LTBP1: variants seen among roughly 807,000 people sequenced by gnomAD.
LTBP1 encodes the protein latent transforming growth factor beta binding protein 1.
LTBP1 carries 129 observed loss-of-function variants against 207.6 expected under a neutral mutation model. The observed-to-expected ratio is 0.62, with a 90% CI of 0.54 to 0.72. The LOEUF (loss-of-function observed/expected upper bound fraction) is 0.72. Ranked by LOEUF, LTBP1 falls within the 30% of genes least tolerant of loss-of-function variation. LTBP1 has a pLI of 0.00. For synonymous variants in LTBP1, 963 were observed against 833.7 expected, an observed-to-expected ratio of 1.16 and a Z score of -2.67; for missense variants, 2,281 against 2,217.2, an observed-to-expected ratio of 1.03 and a Z score of -0.58.
chr2:33,056,387 G>T, intron 3 of LTBP1: 1 of 1,261,296 alleles, frequency 7.9e-7, no homozygotes, highest in Non-Finnish European at 1.0e-6. Context: ...GAATGGCCTG[G>T]ATGTTAGGCA....
At chr2:33,180,547 G>A (rs542309080) in intron 5 of LTBP1, among the ~76,000 whole-genome samples, 9 of 151,094 alleles carry the variant, frequency 6.0e-5, no homozygotes, top group South Asian at 2.1e-4. Context: ...TGCCTCCCGC[G>A]TTCAAGTGAT....
intron 26 of LTBP1, among the ~76,000 whole-genome samples, chr2:33,351,881 C>T (rs1486880728): frequency 6.6e-6 from 1 of 152,210 alleles, no homozygotes; most frequent in Non-Finnish European, 1.5e-5. Flanking sequence ...CAGGCAGTTA[C>T]ATGCTTAGCT....
intron 9 of LTBP1, among the ~76,000 whole-genome samples, chr2:33,235,212 TCAAA>T (rs2091984211): frequency 1.3e-5 from 2 of 151,454 alleles, no homozygotes; most frequent in Non-Finnish European, 2.9e-5. Context: ...ATGAAAAAAA[TCAAA>T]CAACTCCATC....
rs138362903 is a variant in LTBP1, at chr2:33,181,279, C to T, written c.1202-5577C>T. Reference sequence around the variant, plus strand: ...ATAAATTTTTAGAAAATTCAGTTTGCCCGCATTTATATACAAGTCATGAAT... The same window carrying T: ...ATAAATTTTTAGAAAATTCAGTTTGTCCGCATTTATATACAAGTCATGAAT... On this transcript the variant is annotated intron_variant, in intron 5 of 33. Transcript: ENST00000404816. 2.3e-3 allele frequency among the ~76,000 whole-genome samples: 357 copies of T among 152,296 alleles called. 2 individuals carry two copies. The highest frequency in any genetic ancestry group is 7.9e-3 in the African/African-American group (329 of 41,564).
At chr2:33,138,848 CTTTTTTTTTTTTTTTT>C (rs71409603) in intron 5 of LTBP1, among the ~76,000 whole-genome samples, 17 of 77,670 alleles carry the variant, frequency 2.2e-4, no homozygotes, top group Admixed American at 6.5e-4. Context: ...AGTATGTTCT[CTTTTTTTTTTTTTTTT>C]TTTTTTTTTT....
chr2:33,019,021 T>C (rs778487598), intron 2 of LTBP1, among the ~76,000 whole-genome samples: 9 of 152,234 alleles, frequency 5.9e-5, no homozygotes, highest in African/African-American at 1.7e-4. Flanking sequence ...TTGTCTCTTT[T>C]ATAGAAAATC....
At chr2:33,003,494 G>A (rs1335468561) in intron 2 of LTBP1, among the ~76,000 whole-genome samples, 1 of 152,212 alleles carries the variant, frequency 6.6e-6, no homozygotes, top group Non-Finnish European at 1.5e-5. Context: ...GGTTACGCTT[G>A]TCACCAGTGC....
intron 2 of LTBP1, among the ~76,000 whole-genome samples, chr2:32,998,598 A>C (rs1685655495): frequency 6.7e-6 from 1 of 149,582 alleles, no homozygotes; most frequent in Non-Finnish European, 1.5e-5. Flanking sequence ...ACTGAATGTT[A>C]TGAACTGCAA....
intron 5 of LTBP1, among the ~76,000 whole-genome samples, chr2:33,161,218 T>A (rs1425195674): frequency 6.6e-6 from 1 of 151,926 alleles, no homozygotes; most frequent in Non-Finnish European, 1.5e-5. Flanking sequence ...ATTGTTAGTA[T>A]CTTTCCCTTA....
chr2:33,355,914 T>G (rs2094852615), intron 26 of LTBP1, among the ~76,000 whole-genome samples: 1 of 149,502 alleles, frequency 6.7e-6, no homozygotes, highest in South Asian at 2.1e-4. Context: ...AGATCCTCTT[T>G]TAAAGTGTTT....
intron 5 of LTBP1, among the ~76,000 whole-genome samples, chr2:33,153,574 C>A (rs1042181318): frequency 6.6e-6 from 1 of 152,082 alleles, no homozygotes; most frequent in South Asian, 2.1e-4. Flanking sequence ...ATCTGAGCCG[C>A]GAAGGATCTA....
At chr2:33,389,090 G>A (rs1291136915) in intron 31 of LTBP1, 94 bp from the exon 32 acceptor site, 2 of 1,555,358 alleles carry the variant, frequency 1.3e-6, no homozygotes, top group Admixed American at 1.7e-5. Context: ...GTGGAAGGGT[G>A]TGCTGGCAGA....
intron 9 of LTBP1, among the ~76,000 whole-genome samples, chr2:33,240,181 C>A (rs202108308): frequency 6.6e-6 from 1 of 151,946 alleles, no homozygotes; most frequent in Non-Finnish European, 1.5e-5. Context: ...GTTGTTAAGT[C>A]TAAATAGAAT....
chr2:33,009,963 C>T (rs966596918), intron 2 of LTBP1, among the ~76,000 whole-genome samples: 14 of 152,272 alleles, frequency 9.2e-5, no homozygotes, highest in African/African-American at 2.9e-4. Context: ...ATTAGATCTT[C>T]AGGAGAAGGG....
Position 33,398,389 on chromosome 2 carries a change from C to G in LTBP1, c.5010C>G (p.Asn1670Lys), listed in dbSNP as rs1439007101. The change falls in exon 34 of 34, where the codon AAC (asparagine) becomes AAG (lysine). Residue 1670 changes from asparagine to lysine, a missense_variant. Coordinates refer to ENST00000404816, the MANE Select transcript of LTBP1 (RefSeq NM_206943.4). ...ATGTAAATGAATGCGATGAGTTGAACAACCGGATGTCTCTCTGCAAGAATG... is the reference window on the plus strand; with the variant it reads ...ATGTAAATGAATGCGATGAGTTGAAGAACCGGATGTCTCTCTGCAAGAATG... The part of the protein sequence containing the change: ...CVDVNECDEL[N>K]NRMSLCKNAK... The G allele has an allele frequency of 6.2e-7, 1 of 1,613,736 alleles. No homozygotes were observed. Among genetic ancestry groups the G allele is most frequent in the Non-Finnish European group, 8.5e-7 (1 of 1,179,886 alleles).
chr2:33,090,907 G>A (rs1232937458), intron 3 of LTBP1, among the ~76,000 whole-genome samples: 4 of 152,172 alleles, frequency 2.6e-5, no homozygotes, highest in Non-Finnish European at 5.9e-5. Flanking sequence ...CCTCCCCTTG[G>A]CTAGCAGTTG....
At chr2:33,088,192 G>A (rs1443152287) in intron 3 of LTBP1, among the ~76,000 whole-genome samples, 1 of 152,204 alleles carries the variant, frequency 6.6e-6, no homozygotes, top group African/African-American at 2.4e-5. Context: ...GGTGGCTCAC[G>A]CCTGTAATCC....
At chr2:33,054,326 G>A (rs2076884381) in intron 3 of LTBP1, among the ~76,000 whole-genome samples, 1 of 152,154 alleles carries the variant, frequency 6.6e-6, no homozygotes, top group African/African-American at 2.4e-5. Context: ...TCCTTTATGA[G>A]CTTCAGGCCT....
At chr2:33,133,335 A>G (rs2081931999) in intron 4 of LTBP1, among the ~76,000 whole-genome samples, 2 of 152,166 alleles carry the variant, frequency 1.3e-5, no homozygotes, top group South Asian at 4.1e-4. Context: ...ATGGTATAAA[A>G]AAGGCTGGCC....
Sources: gnomAD v4.1 joint callset for allele counts (sites outside exome capture counted in the v4.1 genomes callset) on GRCh38, gnomAD v4.1.1 for gene constraint, MANE v1.5 for transcripts, NCBI Gene and HGNC (gene_info 2026-07-23, HGNC 2026-07-21) for gene names.